The following NWD1 variants were observed in gnomAD, a reference collection of about 807,000 sequenced individuals.
NWD1 encodes NACHT domain- and WD repeat-containing protein 1.
A neutral mutation model predicts 135.1 loss-of-function variants in NWD1; 129 were observed. The observed-to-expected ratio is 0.96, with a 90% CI of 0.83 to 1.11. The LOEUF (loss-of-function observed/expected upper bound fraction) is 1.11, where lower values mean the gene tolerates loss of function less well. Ranked by LOEUF, NWD1 falls within the 50% of genes least tolerant of loss-of-function variation. NWD1 has a pLI of 0.00. For synonymous variants in NWD1, 773 were observed against 786.0 expected, an observed-to-expected ratio of 0.98 and a Z score of 0.28; for missense variants, 1,740 against 1,851.3, an observed-to-expected ratio of 0.94 and a Z score of 1.10.
At chr19:16,795,415 C>CT (rs869281364) in intron 15 of NWD1, among the ~76,000 whole-genome samples, 7,191 of 136,286 alleles carry the variant, frequency 0.053, 582 homozygotes, top group African/African-American at 0.17. Flanking sequence ...TGCTAATTAC[C>CT]TTTTTTTTTT....
At chr19:16,784,669 G>A (rs968182052) in intron 12 of NWD1, among the ~76,000 whole-genome samples, 4 of 152,016 alleles carry the variant, frequency 2.6e-5, no homozygotes, top group Admixed American at 1.3e-4. Context: ...GGTGGCTCAC[G>A]CCTGTAATCC....
chr19:16,781,888 C>T (rs1229580262), intron 12 of NWD1, among the ~76,000 whole-genome samples: 4 of 151,548 alleles, frequency 2.6e-5, no homozygotes, highest in African/African-American at 7.3e-5. Flanking sequence ...GTCAGGAGAT[C>T]GAGACCATCC....
chr19:16,741,597 G>A (rs1277381483), intron 4 of NWD1, among the ~76,000 whole-genome samples: 1 of 151,732 alleles, frequency 6.6e-6, no homozygotes, highest in African/African-American at 2.4e-5. Context: ...TCGAACTCCT[G>A]ACCTCAGGTG....
chr19:16,754,026 TATCCATCCATCCATCC>T (rs57643593), intron 6 of NWD1, among the ~76,000 whole-genome samples: 1 of 144,676 alleles, frequency 6.9e-6, no homozygotes, highest in Non-Finnish European at 1.5e-5. Flanking sequence ...ATCTTCCATC[TATCCATCCATCCATCC>T]ATCCATCCAT....
chr19:16,803,327 A>C (rs1266496078), intron 17 of NWD1, among the ~76,000 whole-genome samples: 1 of 152,086 alleles, frequency 6.6e-6, no homozygotes, highest in Non-Finnish European at 1.5e-5. Context: ...TAGCAACACC[A>C]ACAGACTTAG....
intron 11 of NWD1, among the ~76,000 whole-genome samples, chr19:16,776,424 C>T (rs113269311): frequency 0.091 from 13,822 of 151,456 alleles, 1,061 homozygotes; most frequent in African/African-American, 0.21. Context: ...AAAAATTAGC[C>T]GGGCGTTGTA....
At chr19:16,800,500 C>T (rs73521300) in intron 17 of NWD1, among the ~76,000 whole-genome samples, 6,520 of 152,166 alleles carry the variant, frequency 0.043, 461 homozygotes, top group African/African-American at 0.15. Flanking sequence ...CTCTGCACTC[C>T]GGCCTGGGCG....
At chr19:16,786,266 T>C (rs28792721) in intron 12 of NWD1, among the ~76,000 whole-genome samples, 26,301 of 151,896 alleles carry the variant, frequency 0.17, 5,179 homozygotes, top group African/African-American at 0.48. Flanking sequence ...CTTCGGCCCC[T>C]GAAAGTGCTG....
chr19:16,731,610 C>CTTTTTTT (rs35083498), intron 3 of NWD1, among the ~76,000 whole-genome samples: 1 of 139,518 alleles, frequency 7.2e-6, no homozygotes. Context: ...CAGCCCCATG[C>CTTTTTTT]TTTTTTTTTT....
intron 6 of NWD1, among the ~76,000 whole-genome samples, chr19:16,753,238 C>T (rs1174600251): frequency 6.6e-6 from 1 of 152,156 alleles, no homozygotes; most frequent in African/African-American, 2.4e-5. Flanking sequence ...CATCAGGAGC[C>T]CATATTTCTG....
intron 1 of NWD1, among the ~76,000 whole-genome samples, chr19:16,724,070 T>C (rs1967237241): frequency 6.6e-6 from 1 of 152,150 alleles, no homozygotes; most frequent in Non-Finnish European, 1.5e-5. Context: ...AATCCCTCAA[T>C]GGCAGAGTCT....
intron 12 of NWD1, among the ~76,000 whole-genome samples, chr19:16,783,360 A>T (rs28845907): frequency 6.6e-6 from 1 of 151,636 alleles, no homozygotes; most frequent in African/African-American, 2.4e-5. Context: ...AAAGGTGGGG[A>T]ACGGTGGCTC....
rs529692487 is a variant in NWD1 at position 16,783,578 on chromosome 19, G to A, written c.2731+4113G>A. 1.4e-4 allele frequency among the ~76,000 whole-genome samples: 22 copies of A among 151,786 alleles called. No individual in the cohort carries two copies. In the Middle Eastern group the frequency reaches 0.01, roughly 70 times the overall value. On this transcript the variant is annotated intron_variant, in intron 12 of 18. Transcript: ENST00000524140. ...GAACCCAGGAGGTGGAGGTTGCAGT[G>A]AGCCGAGATCGCGCCACTGCACTCC...
Position 16,749,551 on chromosome 19 carries a change from G to A in NWD1, c.909G>A (p.Trp303Ter), listed in dbSNP as rs1438675497. 6.2e-7 allele frequency: 1 copy of A among 1,613,096 alleles called. No individual in the cohort carries two copies. Among genetic ancestry groups the A allele is most frequent in the East Asian group, 2.2e-5 (1 of 44,838 alleles). Residue 303 changes from tryptophan to a stop codon, truncating the protein, a stop_gained, in exon 6 of 19, where the codon TGG (tryptophan) becomes TGA (stop). Transcript: ENST00000524140. LOFTEE classifies it high-confidence loss of function. ...WLYQEIRHHL[W>*]QSSEVIQTFC... ...ACCAAGAGATCCGCCACCACCTTTGGCAGAGCTCGGAGGTCATTCAGACCT... is the reference window on the plus strand; with the variant it reads ...ACCAAGAGATCCGCCACCACCTTTGACAGAGCTCGGAGGTCATTCAGACCT...
chr19:16,742,242 GCT>G (rs1968115583), intron 4 of NWD1, among the ~76,000 whole-genome samples: 2 of 151,932 alleles, frequency 1.3e-5, no homozygotes, highest in African/African-American at 4.8e-5. Context: ...AGGCGTGGTG[GCT>G]CACGCCTGTA....
intron 1 of NWD1, among the ~76,000 whole-genome samples, 165 bp downstream of exon 1, chr19:16,720,458 C>G (rs552655108): frequency 4.6e-5 from 7 of 152,230 alleles, no homozygotes; most frequent in South Asian, 2.1e-4. Context: ...AAGTACAGGA[C>G]GTGCAAAGGC....
chr19:16,735,640 C>T (rs1389626608), intron 3 of NWD1, among the ~76,000 whole-genome samples: 1 of 151,390 alleles, frequency 6.6e-6, no homozygotes, highest in Non-Finnish European at 1.5e-5. Flanking sequence ...ACCAGCCTGG[C>T]CAATATGGTG....
chr19:16,775,640 A>G (rs193169564), intron 11 of NWD1, among the ~76,000 whole-genome samples: 52 of 152,286 alleles, frequency 3.4e-4, no homozygotes, highest in African/African-American at 1.2e-3. Context: ...ACTGTAAGGA[A>G]GCCTGGGAAA....
intron 18 of NWD1, among the ~76,000 whole-genome samples, chr19:16,813,310 C>T (rs897866988): frequency 1.3e-5 from 2 of 152,120 alleles, no homozygotes; most frequent in African/African-American, 4.8e-5. Context: ...CAATCTGTTT[C>T]CAGGTGTTTG....
Sources: gnomAD v4.1 joint callset for allele counts (sites outside exome capture counted in the v4.1 genomes callset) on GRCh38, gnomAD v4.1.1 for gene constraint, MANE v1.5 for transcripts, NCBI Gene and HGNC (gene_info 2026-07-23, HGNC 2026-07-21) for gene names.